Variants in CD58 observed in about 807,000 individuals in gnomAD.
CD58 encodes CD58 molecule.
Under a neutral mutation model 27.6 loss-of-function variants are expected in CD58, and 14 were observed. That is an observed-to-expected ratio of 0.51 (90% CI 0.34 to 0.79). The LOEUF is 0.79. Among genes scored for constraint, CD58 ranks in the 30% least tolerant of loss-of-function variants. CD58 has a pLI of 0.02. For missense variants in CD58, 268 were observed against 301.7 expected, an observed-to-expected ratio of 0.89 and a Z score of 0.83; for synonymous variants, 117 against 103.8, an observed-to-expected ratio of 1.13 and a Z score of -0.77.
intron 3 of CD58, among the ~76,000 whole-genome samples, chr1:116,529,041 A>T (rs1657512028): frequency 6.6e-6 from 1 of 152,162 alleles, no homozygotes; most frequent in South Asian, 2.1e-4. Context: ...CCCACATGCT[A>T]TTTTATTTAA....
At position 116,559,005 on chromosome 1, in the gene CD58, A is replaced by C. The variant is rs1393401709; in HGVS notation, c.70+11898T>G. 6.6e-6 allele frequency among the ~76,000 whole-genome samples: 1 copy of C among 152,210 alleles called. No individual in the cohort carries two copies. Among genetic ancestry groups the C allele is most frequent in the Non-Finnish European group, 1.5e-5 (1 of 68,032 alleles). On this transcript the variant is annotated intron_variant, in intron 1 of 5. Coordinates refer to ENST00000369489, the MANE Select transcript of CD58 (RefSeq NM_001779.3). This position sits in a 1 kb window ranked among gnomAD's most constrained non-coding sequence, Gnocchi z 4.4. ...CAAAATCCCAGCCCTCTTGGAGTCT[A>C]TTTTTCAGTGGAGGGAAGAACATAA...
chr1:116,547,531 A>G (rs9970050), intron 1 of CD58, among the ~76,000 whole-genome samples: 2,267 of 151,668 alleles, frequency 0.015, 30 homozygotes, highest in East Asian at 0.045. Context: ...GGGTTTCACC[A>G]TGTTAGCCAG....
intron 5 of CD58, among the ~76,000 whole-genome samples, chr1:116,518,224 C>T (rs1356075374): frequency 6.6e-6 from 1 of 152,092 alleles, no homozygotes; most frequent in East Asian, 1.9e-4. Flanking sequence ...GCATCAGAGC[C>T]TACACTGCCA....
Position 116,518,852 on chromosome 1 carries a change from T to C in CD58, c.743+379A>G, listed in dbSNP as rs368099891. 1.0e-5 allele frequency: 11 copies of C among 1,070,770 alleles called. 1 individual carries two copies. The African/African-American group carries it at 1.7e-4, about 16-fold the overall frequency. The allele number at this position is 1,070,770 out of a possible 1,614,324, so 66.3% of individuals were successfully genotyped here. A position where few individuals can be genotyped will look rare whatever the true frequency, so the allele number is the denominator to read the frequency against. On this transcript the variant is annotated intron_variant, in intron 5 of 5. Transcript: ENST00000369489. ...GATGGGAGGTGGAGGGAGTGTATTG[T>C]AGTGGTTAACAGTATAACTCTTGGA...
In CD58 at chr1:116,563,862, T is replaced by C. The variant is rs530312121; in HGVS notation, c.70+7041A>G. On this transcript the variant is annotated intron_variant, in intron 1 of 5. Coordinates refer to ENST00000369489, the MANE Select transcript of CD58 (RefSeq NM_001779.3). This position sits in a 1 kb window ranked among gnomAD's most constrained non-coding sequence, Gnocchi z 4.1. ...ATATGCCCTGGAGACATTTTCCCCA[T>C]TGTCTTCGTGATTAACATTTGGCTC... Among the ~76,000 whole-genome samples the C allele has an allele frequency of 2.0e-5, 3 of 152,318 alleles. No homozygotes were observed. The highest frequency in any genetic ancestry group is 2.9e-5 in the Non-Finnish European group (2 of 68,022).
chr1:116,546,659 T>C lies in CD58; in HGVS notation c.71-2055A>G, dbSNP rs1658183971. Among the ~76,000 whole-genome samples, 1 of 152,210 alleles carries C rather than the reference T, an allele frequency of 6.6e-6. No individual in the cohort carries two copies. The highest frequency in any genetic ancestry group is 6.5e-5 in the Admixed American group (1 of 15,282). On this transcript the variant is annotated intron_variant, in intron 1 of 5. Coordinates refer to ENST00000369489, the MANE Select transcript of CD58 (RefSeq NM_001779.3). This position sits in a 1 kb window ranked among gnomAD's most constrained non-coding sequence, Gnocchi z 4.1. ...TACCCTGGCGGCATGAAGATGTCTT[T>C]TGTCTTTCCCAGGGAGAGCTGATGT...
At chr1:116,542,787 A>G (rs1012206432) in intron 2 of CD58, among the ~76,000 whole-genome samples, 2 of 152,214 alleles carry the variant, frequency 1.3e-5, no homozygotes, top group African/African-American at 4.8e-5. Context: ...GTCCATTCAT[A>G]TCAGGAGAGA....
chr1:116,525,532 T>C (rs1657400825), intron 3 of CD58, among the ~76,000 whole-genome samples: 2 of 152,346 alleles, frequency 1.3e-5, no homozygotes, highest in Admixed American at 6.5e-5. Context: ...AAGTTTTTAA[T>C]GCCTTCGGGT....
rs932989660 is a variant in CD58 at position 116,519,712 on chromosome 1, C to T, written c.707-445G>A. On this transcript the variant is annotated intron_variant, in intron 4 of 5. Coordinates refer to ENST00000369489, the MANE Select transcript of CD58 (RefSeq NM_001779.3). The surrounding 1 kb of genome is among the most constrained non-coding windows in gnomAD (Gnocchi z 4.7). ...ATATAAAATTATTTCAACATGTACT[C>T]AATATAAACATTTTTTAATGAGATA... is the stretch of plus-strand genomic sequence containing the variant. 6.6e-6 allele frequency among the ~76,000 whole-genome samples: 1 copy of T among 152,130 alleles called. No homozygotes were observed. Among genetic ancestry groups the T allele is most frequent in the Non-Finnish European group, 1.5e-5 (1 of 68,026 alleles).
chr1:116,569,908 TCTTACAACA>T (rs1659082627), intron 1 of CD58, among the ~76,000 whole-genome samples: 2 of 152,208 alleles, frequency 1.3e-5, no homozygotes, highest in African/African-American at 4.8e-5. Context: ...AGCCCAGGCC[TCTTACAACA>T]CTGACTTATC....
At chr1:116,556,258 A>G (rs1658557057) in intron 1 of CD58, among the ~76,000 whole-genome samples, 1 of 145,106 alleles carries the variant, frequency 6.9e-6, no homozygotes, top group African/African-American at 2.7e-5. Context: ...CATCTCAGAA[A>G]AAAAAAAAAA....
Position 116,523,255 on chromosome 1 carries a change from G to GT in CD58, c.629-1273dup, listed in dbSNP as rs943834419. Among the ~76,000 whole-genome samples, 11 of 152,092 alleles carry GT rather than the reference G, an allele frequency of 7.2e-5. No individual in the cohort carries two copies. Among genetic ancestry groups the GT allele is most frequent in the African/African-American group, 2.7e-4 (11 of 41,406 alleles). ...CTCCTTGTTTTCACAAAAAACTGTG[G>GT]TATGTTCACAAGGTAAACTCTATCC... On this transcript the variant is annotated intron_variant, in intron 3 of 5. Coordinates refer to ENST00000369489, the MANE Select transcript of CD58 (RefSeq NM_001779.3). This position sits in a 1 kb window ranked among gnomAD's most constrained non-coding sequence, Gnocchi z 4.4.
At chr1:116,566,012 C>A (rs547024675) in intron 1 of CD58, among the ~76,000 whole-genome samples, 1 of 152,070 alleles carries the variant, frequency 6.6e-6, no homozygotes, top group Non-Finnish European at 1.5e-5. Context: ...TCACTGCACC[C>A]GGCCAGAATC....
chr1:116,519,030 G>T lies in CD58; in HGVS notation c.743+201C>A. 4 of 1,222,850 alleles carry T rather than the reference G, an allele frequency of 3.3e-6. No homozygotes were observed. The highest frequency in any genetic ancestry group is 1.6e-5 in the South Asian group (1 of 61,528). The allele number at this position is 1,222,850 out of a possible 1,614,324, so 75.7% of individuals were successfully genotyped here. A position where few individuals can be genotyped will look rare whatever the true frequency, so the allele number is the denominator to read the frequency against. On this transcript the variant is annotated intron_variant, in intron 5 of 5. Transcript: ENST00000369489. This position sits in a 1 kb window ranked among gnomAD's most constrained non-coding sequence, Gnocchi z 4.7. ...GCTCATTGAGAGGGTTCCAGGAAAC[G>T]ATATGCAGAGAGTGGCTAGTGCAGT...
rs1253500740 is a variant in CD58 at position 116,563,380 on chromosome 1, G to A, written c.70+7523C>T. ...CTCTCGGTGGATCTACCATTCCGGGGTCTGGTGGATGATGGCCCTCTTCTC... is the reference window on the plus strand; with the variant it reads ...CTCTCGGTGGATCTACCATTCCGGGATCTGGTGGATGATGGCCCTCTTCTC... On this transcript the variant is annotated intron_variant, in intron 1 of 5. Transcript: ENST00000369489. The surrounding 1 kb of genome is among the most constrained non-coding windows in gnomAD (Gnocchi z 4.1). Among the ~76,000 whole-genome samples the A allele has an allele frequency of 6.7e-6, 1 of 149,888 alleles. No individual in the cohort carries two copies. The highest frequency in any genetic ancestry group is 1.5e-5 in the Non-Finnish European group (1 of 67,242).
Position 116,536,321 on chromosome 1 carries a change from G to T in CD58, c.365-93C>A. 1.1e-6 allele frequency: 1 copy of T among 912,244 alleles called. No homozygotes were observed. Among genetic ancestry groups the T allele is most frequent in the Non-Finnish European group, 1.6e-6 (1 of 620,074 alleles). 56.5% of individuals were successfully genotyped at this position (912,244 alleles called of 1,614,324 possible). A position where few individuals can be genotyped will look rare whatever the true frequency, so the allele number is the denominator to read the frequency against. On this transcript the variant is annotated intron_variant, in intron 2 of 5. Coordinates refer to ENST00000369489, the MANE Select transcript of CD58 (RefSeq NM_001779.3). This position sits in a 1 kb window ranked among gnomAD's most constrained non-coding sequence, Gnocchi z 5.4. ...TGAAGAGCTCGCAACCTCCTTACAA[G>T]CTTGAAAGGATGAGCAGACAAACTC... is the stretch of plus-strand genomic sequence containing the variant.
At chr1:116,518,956 T>A in intron 5 of CD58, 2 of 961,902 alleles carry the variant, frequency 2.1e-6, no homozygotes, top group Non-Finnish European at 2.8e-6. Context: ...CTTCTATGAA[T>A]CTCATATGCG....
At chr1:116,533,137 C>A in intron 3 of CD58, 1 of 754,286 alleles carries the variant, frequency 1.3e-6, no homozygotes, top group African/African-American at 1.7e-5. Context: ...TGTCCAATTT[C>A]AAAATCAGAG....
chr1:116,514,706 A>G lies in CD58; in HGVS notation c.*107T>C, dbSNP rs1341532972. The G allele has an allele frequency of 1.5e-6, 1 of 688,134 alleles. No homozygotes were observed. The highest frequency in any genetic ancestry group is 1.8e-5 in the African/African-American group (1 of 54,496). The allele number at this position is 688,134 out of a possible 1,614,324, so 42.6% of individuals were successfully genotyped here. On this transcript the variant is annotated 3_prime_UTR_variant, in exon 6 of 6. Coordinates refer to ENST00000369489, the MANE Select transcript of CD58 (RefSeq NM_001779.3). ...TCTTAAAGCAGCTGCTTCAAGTTAC[A>G]TTTCCAACAGTTGTTCAAAAATTGT...
Sources: gnomAD v4.1 joint callset for allele counts (sites outside exome capture counted in the v4.1 genomes callset) on GRCh38, gnomAD v4.1.1 for gene constraint, Gnocchi (gnomAD v3.1) non-coding constraint, MANE v1.5 for transcripts, NCBI Gene and HGNC (gene_info 2026-07-23, HGNC 2026-07-21) for gene names.